Variants in ARHGAP40 observed in about 807,000 individuals in gnomAD.
ARHGAP40 encodes Rho GTPase activating protein 40.
A neutral mutation model predicts 73.5 loss-of-function variants in ARHGAP40; 43 were observed. The observed-to-expected ratio is 0.58, with a 90% CI of 0.46 to 0.75. ARHGAP40 has a LOEUF of 0.75. Ranked by LOEUF, ARHGAP40 falls within the 30% of genes least tolerant of loss-of-function variation. The probability of loss-of-function intolerance (pLI) is 0.00; values close to 1 mark genes in which losing one functional copy is unlikely to be tolerated. For synonymous variants in ARHGAP40, 300 were observed against 352.8 expected, an observed-to-expected ratio of 0.85 and a Z score of 1.68; for missense variants, 734 against 861.8, an observed-to-expected ratio of 0.85 and a Z score of 1.86.
intron 1 of ARHGAP40, among the ~76,000 whole-genome samples, chr20:38,612,179 C>T (rs1395941929): frequency 6.6e-6 from 1 of 152,136 alleles, no homozygotes; most frequent in Non-Finnish European, 1.5e-5. Context: ...ATGAAGTCTT[C>T]AAAATCCAGT....
intron 3 of ARHGAP40, among the ~76,000 whole-genome samples, chr20:38,627,425 GTGTGTTGTC>G (rs1270418724): frequency 2.7e-5 from 4 of 145,914 alleles, no homozygotes; most frequent in Non-Finnish European, 6.1e-5. Flanking sequence ...TTGGGGGTGT[GTGTGTTGTC>G]TGTGTTGGGG....
chr20:38,608,449 C>T lies in ARHGAP40; in HGVS notation c.137+6370C>T, dbSNP rs533769367. Among the ~76,000 whole-genome samples, 333 of 152,258 alleles carry T rather than the reference C, an allele frequency of 2.2e-3. 1 individual carries two copies. Among genetic ancestry groups the T allele is most frequent in the Non-Finnish European group, 3.9e-3 (267 of 68,020 alleles). ...AGAGGACTGTTGGCTGCTGGCTGCTCGTTGGTCGGAAGGCAGCCTTGTGTT... is the reference window on the plus strand; with the variant it reads ...AGAGGACTGTTGGCTGCTGGCTGCTTGTTGGTCGGAAGGCAGCCTTGTGTT... On this transcript the variant is annotated intron_variant, in intron 1 of 14. Transcript: ENST00000373345.
At chr20:38,607,792 G>C (rs1329657266) in intron 1 of ARHGAP40, among the ~76,000 whole-genome samples, 1 of 152,200 alleles carries the variant, frequency 6.6e-6, no homozygotes, top group African/African-American at 2.4e-5. Context: ...TTGCCAATCT[G>C]ATAGAGTTCA....
chr20:38,634,605 C>A lies in ARHGAP40; in HGVS notation c.784-15C>A. On this transcript the variant is annotated splice_polypyrimidine_tract_variant and intron_variant, in intron 5 of 14. Transcript: ENST00000373345. ...TAGCCTGACAAATTGTCTTTACTTCCCTCTCTATTAATAGAAGTTTACCGT... is the reference window on the plus strand; with the variant it reads ...TAGCCTGACAAATTGTCTTTACTTCACTCTCTATTAATAGAAGTTTACCGT... 1.5e-6 allele frequency: 2 copies of A among 1,305,372 alleles called. No individual in the cohort carries two copies. Among genetic ancestry groups the A allele is most frequent in the Non-Finnish European group, 2.0e-6 (2 of 988,938 alleles). The allele number at this position is 1,305,372 out of a possible 1,614,324, so 80.9% of individuals were successfully genotyped here. A position where few individuals can be genotyped will look rare whatever the true frequency, so the allele number is the denominator to read the frequency against.
At chr20:38,611,065 T>A (rs1398496324) in intron 1 of ARHGAP40, among the ~76,000 whole-genome samples, 1 of 151,974 alleles carries the variant, frequency 6.6e-6, no homozygotes, top group Non-Finnish European at 1.5e-5. Flanking sequence ...AATTTTTGTA[T>A]TTTTAGTAGA....
chr20:38,613,885 T>C (rs2088818228), intron 1 of ARHGAP40, among the ~76,000 whole-genome samples: 1 of 152,216 alleles, frequency 6.6e-6, no homozygotes, highest in African/African-American at 2.4e-5. Flanking sequence ...CGAGCATCGT[T>C]TAATAATTCA....
At chr20:38,631,011 TAGAA>T (rs1185270851) in intron 5 of ARHGAP40, among the ~76,000 whole-genome samples, 1 of 152,052 alleles carries the variant, frequency 6.6e-6, no homozygotes, top group Non-Finnish European at 1.5e-5. Context: ...GACTATATGA[TAGAA>T]AGAAAGAGAA....
intron 9 of ARHGAP40, among the ~76,000 whole-genome samples, chr20:38,639,939 C>T (rs1227834289): frequency 6.6e-6 from 1 of 152,240 alleles, no homozygotes; most frequent in East Asian, 1.9e-4. Flanking sequence ...TCACTCACAA[C>T]CGTGAGGTTC....
intron 4 of ARHGAP40, 86 bp from the exon 5 acceptor site, chr20:38,629,416 A>T (rs1003515982): frequency 8.0e-7 from 1 of 1,250,638 alleles, no homozygotes; most frequent in Non-Finnish European, 1.0e-6. Flanking sequence ...TCTTAGGACT[A>T]AGGGCCTAAG....
At chr20:38,636,705 T>G (rs997606135) in intron 6 of ARHGAP40, among the ~76,000 whole-genome samples, 2 of 152,236 alleles carry the variant, frequency 1.3e-5, no homozygotes, top group South Asian at 4.1e-4. Context: ...TATATATGCT[T>G]TTGAATGCAT....
chr20:38,612,734 AGAAG>A (rs909178528), intron 1 of ARHGAP40, among the ~76,000 whole-genome samples: 30 of 152,250 alleles, frequency 2.0e-4, no homozygotes, highest in Middle Eastern at 3.4e-3. Context: ...AAGAAAAGAA[AGAAG>A]GAAGGAAGGA....
Position 38,637,800 on chromosome 20 carries a change from G to A in ARHGAP40, c.1041+1G>A, listed in dbSNP as rs1312423331. The A allele has an allele frequency of 6.1e-6, 8 of 1,304,698 alleles. No individual in the cohort carries two copies. Among genetic ancestry groups the A allele is most frequent in the African/African-American group, 4.6e-5 (3 of 65,894 alleles). 80.8% of individuals were successfully genotyped at this position (1,304,698 alleles called of 1,614,324 possible). On this transcript the variant is annotated splice_donor_variant, in intron 7 of 14. Coordinates refer to ENST00000373345, the Ensembl canonical transcript of ARHGAP40. LOFTEE classifies it high-confidence loss of function. ...ACAGGTCCCGCTGGTCCTTCAAGCC[G>A]TAAGTCGCCCCTACCCCAGCTTGGG...
intron 5 of ARHGAP40, among the ~76,000 whole-genome samples, chr20:38,632,552 C>T (rs960769549): frequency 7.2e-5 from 11 of 152,044 alleles, no homozygotes; most frequent in African/African-American, 2.2e-4. Flanking sequence ...TGAGCCACCG[C>T]GCCTGGCCTA....
intron 1 of ARHGAP40, among the ~76,000 whole-genome samples, chr20:38,621,780 T>C (rs2088875024): frequency 6.6e-6 from 1 of 152,148 alleles, no homozygotes; most frequent in Admixed American, 6.5e-5. Flanking sequence ...AAGGCCGGGC[T>C]CAATGGCTCA....
chr20:38,642,148 T>C (rs1243362568), intron 10 of ARHGAP40, among the ~76,000 whole-genome samples: 2 of 152,174 alleles, frequency 1.3e-5, no homozygotes, highest in African/African-American at 4.8e-5. Context: ...CTTTGGTATA[T>C]TGAGGCTTTA....
intron 3 of ARHGAP40, 93 bp downstream of exon 3, chr20:38,627,308 C>CTGTGTTGGTGTGTGTATGTG: frequency 8.7e-7 from 1 of 1,149,530 alleles, no homozygotes; most frequent in South Asian, 1.4e-5. Flanking sequence ...TGCTGAAGGG[C>CTGTGTTGGTGTGTGTATGTG]TGTGTTGGTG....
At chr20:38,634,932 A>G (rs1601145832) in intron 6 of ARHGAP40, 147 bp downstream of exon 6, 1 of 942,926 alleles carries the variant, frequency 1.1e-6, no homozygotes, top group East Asian at 7.1e-5. Flanking sequence ...ACCAGGCTGG[A>G]GTGCAGTGAT....
intron 2 of ARHGAP40, 29 bp from the exon 3 acceptor site, chr20:38,626,966 G>A (rs1367308872): frequency 7.7e-7 from 1 of 1,299,888 alleles, no homozygotes; most frequent in Non-Finnish European, 1.0e-6. Context: ...AGCTGTGTGT[G>A]TTCATCTGGG....
At chr20:38,633,317 G>T (rs890998397) in intron 5 of ARHGAP40, among the ~76,000 whole-genome samples, 15 of 152,170 alleles carry the variant, frequency 9.9e-5, no homozygotes, top group African/African-American at 3.1e-4. Flanking sequence ...ATCACATATT[G>T]ATCTTTTACC....
Sources: allele counts gnomAD v4.1 joint callset (sites outside exome capture counted in the v4.1 genomes callset), GRCh38; gene constraint gnomAD v4.1.1; transcripts MANE v1.5; gene names NCBI Gene and HGNC (gene_info 2026-07-23, HGNC 2026-07-21).